Variants in GPM6A observed in about 807,000 individuals in gnomAD.
The protein encoded by GPM6A is glycoprotein M6A, also known as neuronal membrane glycoprotein M6-a.
Under a neutral mutation model 32.1 loss-of-function variants are expected in GPM6A, and 7 were observed. That is an observed-to-expected ratio of 0.22 (90% CI 0.12 to 0.41). The LOEUF is 0.41. GPM6A is among the 10% of genes least tolerant of loss of function. The pLI is 1.00. For missense variants in GPM6A, 235 were observed against 347.2 expected (o/e 0.68, Z 2.57); for synonymous variants, 130 against 123.4 (o/e 1.05, Z -0.35).
At position 175,849,622 on chromosome 4, in the gene GPM6A, T is replaced by C. The variant is rs577285295; in HGVS notation, c.-22-37373A>G. Among the ~76,000 whole-genome samples the C allele has an allele frequency of 8.1e-4, 123 of 152,346 alleles. 1 individual carries two copies. Among genetic ancestry groups the C allele is most frequent in the African/African-American group, 2.9e-3 (120 of 41,588 alleles). ...AAAGATGAAAACAGTTGTACTATAC[T>C]AATAATCATTTCTTCATAATTGCCT... On this transcript the variant is annotated intron_variant, in intron 1 of 7. Transcript: ENST00000280187.
intron 1 of GPM6A, among the ~76,000 whole-genome samples, chr4:175,732,276 T>G (rs1731467778): frequency 6.6e-6 from 1 of 152,084 alleles, no homozygotes. Flanking sequence ...ACTTCCTCAC[T>G]TCTTTGTTCA....
intron 1 of GPM6A, among the ~76,000 whole-genome samples, chr4:175,940,455 T>A (rs556189519): frequency 6.6e-6 from 1 of 152,262 alleles, no homozygotes; most frequent in East Asian, 1.9e-4. Context: ...TTAATCAAAA[T>A]GCAAAGAAAA....
intron 1 of GPM6A, among the ~76,000 whole-genome samples, chr4:175,833,156 G>A (rs549882472): frequency 3.9e-5 from 6 of 152,188 alleles, no homozygotes; most frequent in Admixed American, 2.0e-4. Flanking sequence ...TCTCTGGAGA[G>A]GCTCTTAACA....
chr4:175,984,507 C>CT (rs1740915530), intron 1 of GPM6A, among the ~76,000 whole-genome samples: 1 of 151,974 alleles, frequency 6.6e-6, no homozygotes, highest in Admixed American at 6.6e-5. Context: ...TATCATTTGT[C>CT]TTTTTTCTTA....
chr4:175,644,378 A>T lies in GPM6A; in HGVS notation c.542-3549T>A, dbSNP rs1014943966. On this transcript the variant is annotated intron_variant, in intron 4 of 6. Coordinates refer to ENST00000393658, the MANE Select transcript of GPM6A (RefSeq NM_201591.3). ...GTGAGGTTGCTGCAGGCCCATATGG[A>T]TGTACCACTGCTAACATCATTACTG... Among the ~76,000 whole-genome samples the T allele has an allele frequency of 3.0e-4, 46 of 151,944 alleles. 1 individual carries two copies. Among genetic ancestry groups the T allele is most frequent in the African/African-American group, 1.1e-3 (45 of 41,482 alleles).
intron 1 of GPM6A, among the ~76,000 whole-genome samples, chr4:175,784,329 C>A (rs1362498203): frequency 2.0e-5 from 3 of 152,108 alleles, no homozygotes; most frequent in African/African-American, 7.2e-5. Flanking sequence ...TTGTAGGAAA[C>A]TAACGCAACA....
chr4:175,914,297 A>T (rs1221226147), intron 1 of GPM6A, among the ~76,000 whole-genome samples: 2 of 152,126 alleles, frequency 1.3e-5, no homozygotes, highest in Non-Finnish European at 2.9e-5. Context: ...CATTTGTTTC[A>T]TGCTCAGCAA....
chr4:175,739,295 T>A (rs529321379), intron 1 of GPM6A, among the ~76,000 whole-genome samples: 70 of 152,284 alleles, frequency 4.6e-4, no homozygotes, highest in Admixed American at 4.5e-3. Context: ...CGAAGAAATA[T>A]AAATTCAATC....
intron 1 of GPM6A, among the ~76,000 whole-genome samples, chr4:175,805,581 A>T (rs868386302): frequency 1.3e-5 from 2 of 152,196 alleles, no homozygotes; most frequent in Admixed American, 6.5e-5. Context: ...AGTAAAACTC[A>T]TCATTTCTCA....
chr4:175,928,475 G>A (rs111644598), intron 1 of GPM6A, among the ~76,000 whole-genome samples: 2 of 152,220 alleles, frequency 1.3e-5, no homozygotes, highest in African/African-American at 4.8e-5. Context: ...TTATAAGACT[G>A]CAACATTACT....
chr4:175,736,833 G>T (rs1240728666), intron 1 of GPM6A, among the ~76,000 whole-genome samples: 1 of 152,202 alleles, frequency 6.6e-6, no homozygotes, highest in African/African-American at 2.4e-5. Flanking sequence ...GGATCGGTAA[G>T]ATTATAATGT....
At chr4:175,726,149 C>T (rs1047086622) in intron 1 of GPM6A, among the ~76,000 whole-genome samples, 21 of 118,688 alleles carry the variant, frequency 1.8e-4, no homozygotes, top group Admixed American at 6.6e-4. Context: ...CCCACCACCA[C>T]GACCAGCTAA....
At chr4:175,768,901 G>C (rs895613806) in intron 1 of GPM6A, among the ~76,000 whole-genome samples, 1 of 152,164 alleles carries the variant, frequency 6.6e-6, no homozygotes, top group African/African-American at 2.4e-5. Flanking sequence ...TTCAAGACCA[G>C]CCTGGCCAAC....
intron 1 of GPM6A, among the ~76,000 whole-genome samples, chr4:175,731,315 T>C (rs958577052): frequency 7.2e-5 from 11 of 152,138 alleles, no homozygotes; most frequent in Non-Finnish European, 1.5e-4. Context: ...CCCCAGTGCC[T>C]GCAATGCGCT....
At chr4:175,710,033 G>A (rs1382192874) in intron 1 of GPM6A, among the ~76,000 whole-genome samples, 1 of 152,036 alleles carries the variant, frequency 6.6e-6, no homozygotes, top group Non-Finnish European at 1.5e-5. Flanking sequence ...AGACCAAAAA[G>A]TGCAACTCTG....
At chr4:175,737,699 C>G (rs1731718410) in intron 1 of GPM6A, among the ~76,000 whole-genome samples, 1 of 152,028 alleles carries the variant, frequency 6.6e-6, no homozygotes, top group Admixed American at 6.6e-5. Context: ...AAGCATGGTA[C>G]CAGAATCTTC....
intron 1 of GPM6A, among the ~76,000 whole-genome samples, chr4:175,937,405 C>T (rs1014113227): frequency 1.3e-5 from 2 of 152,162 alleles, no homozygotes; most frequent in African/African-American, 4.8e-5. Flanking sequence ...ATATGTACCT[C>T]TATGAAAAAA....
intron 1 of GPM6A, among the ~76,000 whole-genome samples, chr4:175,898,791 T>C (rs1383983853): frequency 6.6e-6 from 1 of 152,188 alleles, no homozygotes; most frequent in African/African-American, 2.4e-5. Context: ...ATCAAAGTTA[T>C]GCTTCAAAAT....
intron 1 of GPM6A, among the ~76,000 whole-genome samples, chr4:175,991,222 C>T (rs1400879576): frequency 7.0e-6 from 1 of 142,456 alleles, no homozygotes; most frequent in East Asian, 2.0e-4. Context: ...CCCGCCACCA[C>T]TCCCAGCTAT....
Sources: allele counts gnomAD v4.1 joint callset (sites outside exome capture counted in the v4.1 genomes callset), GRCh38; gene constraint gnomAD v4.1.1; transcripts MANE v1.5; gene names NCBI Gene and HGNC (gene_info 2026-07-23, HGNC 2026-07-21).